KCNN2: variants seen among roughly 807,000 people sequenced by gnomAD.
KCNN2 encodes the protein potassium calcium-activated channel subfamily N member 2.
A neutral mutation model predicts 55.5 loss-of-function variants in KCNN2; 24 were observed. The ratio of observed to expected loss-of-function variants is 0.43; its 90% CI spans 0.31 to 0.61. KCNN2 has a LOEUF of 0.61. Among genes scored for constraint, KCNN2 ranks in the 20% least tolerant of loss-of-function variants. KCNN2 has a pLI of 0.08. For synonymous variants in KCNN2, 431 were observed against 336.1 expected, an observed-to-expected ratio of 1.28 and a Z score of -3.09; for missense variants, 754 against 853.6, an observed-to-expected ratio of 0.88 and a Z score of 1.45.
At chr5:114,194,334 C>A (rs938259603) in intron 1 of KCNN2, among the ~76,000 whole-genome samples, 9 of 152,046 alleles carry the variant, frequency 5.9e-5, no homozygotes, top group Non-Finnish European at 1.3e-4. Flanking sequence ...ATAAAGTTTC[C>A]AATTTCTCCA....
intron 2 of KCNN2, among the ~76,000 whole-genome samples, chr5:114,390,117 C>T (rs1182405256): frequency 6.6e-6 from 1 of 152,128 alleles, no homozygotes; most frequent in Non-Finnish European, 1.5e-5. Flanking sequence ...GATGCTAATA[C>T]ATTTTAGCAA....
At chr5:114,242,882 T>C (rs1754672307) in intron 2 of KCNN2, among the ~76,000 whole-genome samples, 1 of 152,202 alleles carries the variant, frequency 6.6e-6, no homozygotes, top group African/African-American at 2.4e-5. Context: ...GGCCATTCTT[T>C]TGGCAGTAAA....
chr5:114,264,647 A>G (rs6594806), intron 2 of KCNN2, among the ~76,000 whole-genome samples: 15,650 of 152,186 alleles, frequency 0.1, 1,184 homozygotes, highest in African/African-American at 0.21. Flanking sequence ...TAAAGATTTT[A>G]AGAGTTGCCA....
intron 1 of KCNN2, among the ~76,000 whole-genome samples, chr5:114,219,593 G>C (rs1229242565): frequency 6.6e-6 from 1 of 152,058 alleles, no homozygotes; most frequent in Non-Finnish European, 1.5e-5. Context: ...TCTACCAGCT[G>C]AGTCTGGGGT....
intron 1 of KCNN2, among the ~76,000 whole-genome samples, chr5:114,193,099 T>A (rs1753482832): frequency 6.6e-6 from 1 of 152,198 alleles, no homozygotes; most frequent in Non-Finnish European, 1.5e-5. Flanking sequence ...TTGTTGTTTA[T>A]CTGAAATTCA....
chr5:114,282,145 G>T (rs547260742), intron 2 of KCNN2, among the ~76,000 whole-genome samples: 1 of 152,020 alleles, frequency 6.6e-6, no homozygotes, highest in East Asian at 1.9e-4. Context: ...CTATCACTAG[G>T]TTTCATTTTT....
At chr5:114,240,334 A>G (rs1197553987) in intron 2 of KCNN2, among the ~76,000 whole-genome samples, 1 of 151,926 alleles carries the variant, frequency 6.6e-6, no homozygotes, top group Non-Finnish European at 1.5e-5. Context: ...ATAAGAATAG[A>G]TGGAAATTGC....
intron 1 of KCNN2, among the ~76,000 whole-genome samples, chr5:114,059,349 A>T (rs1015831814): frequency 1.3e-5 from 2 of 152,216 alleles, no homozygotes; most frequent in Non-Finnish European, 2.9e-5. Flanking sequence ...GCCAAGTACA[A>T]ATGTCAGATA....
At chr5:114,477,607 T>G (rs1320218521) in intron 5 of KCNN2, among the ~76,000 whole-genome samples, 1 of 152,202 alleles carries the variant, frequency 6.6e-6, no homozygotes, top group Admixed American at 6.5e-5. Context: ...GGACCAGCTA[T>G]TTAATAGATT....
intron 3 of KCNN2, among the ~76,000 whole-genome samples, chr5:114,455,217 G>A (rs910928189): frequency 6.6e-6 from 1 of 152,102 alleles, no homozygotes; most frequent in Non-Finnish European, 1.5e-5. Flanking sequence ...CGAGCTAGGC[G>A]ATCAGCATCA....
chr5:114,221,795 C>T (rs1331015884), intron 2 of KCNN2, among the ~76,000 whole-genome samples: 1 of 152,178 alleles, frequency 6.6e-6, no homozygotes, highest in East Asian at 1.9e-4. Flanking sequence ...AAAAATATTT[C>T]TCCAGTAAAC....
intron 2 of KCNN2, among the ~76,000 whole-genome samples, chr5:114,285,458 G>A (rs1755724742): frequency 6.6e-6 from 1 of 152,032 alleles, no homozygotes; most frequent in Non-Finnish European, 1.5e-5. Context: ...GATAAATGAG[G>A]AAGAATGGCA....
At chr5:114,135,944 T>C (rs1752165700) in intron 1 of KCNN2, among the ~76,000 whole-genome samples, 6 of 152,054 alleles carry the variant, frequency 3.9e-5, no homozygotes. Flanking sequence ...GGTGGAAAGA[T>C]ACTGTCTGAA....
At chr5:114,057,732 G>A (rs1481452533) in intron 1 of KCNN2, among the ~76,000 whole-genome samples, 3 of 152,218 alleles carry the variant, frequency 2.0e-5, no homozygotes, top group African/African-American at 7.2e-5. Flanking sequence ...CTTGGTGGTA[G>A]TGACATTCAG....
chr5:114,244,747 C>T (rs574093678), intron 2 of KCNN2, among the ~76,000 whole-genome samples: 1 of 152,140 alleles, frequency 6.6e-6, no homozygotes, highest in Admixed American at 6.6e-5. Flanking sequence ...TAGCAGCTTC[C>T]TGGCTTGGTG....
At chr5:114,088,913 G>C (rs1045793432) in intron 1 of KCNN2, among the ~76,000 whole-genome samples, 1 of 152,120 alleles carries the variant, frequency 6.6e-6, no homozygotes, top group African/African-American at 2.4e-5. Flanking sequence ...GAGCCACTGC[G>C]CCCAGCCACA....
At chr5:114,160,579 G>T (rs1282138003) in intron 1 of KCNN2, among the ~76,000 whole-genome samples, 1 of 152,122 alleles carries the variant, frequency 6.6e-6, no homozygotes, top group Non-Finnish European at 1.5e-5. Flanking sequence ...CTGTCTCGTT[G>T]ATCTGTCTAA....
At chr5:114,471,771 G>C (rs1761757795) in intron 4 of KCNN2, among the ~76,000 whole-genome samples, 1 of 152,080 alleles carries the variant, frequency 6.6e-6, no homozygotes, top group Non-Finnish European at 1.5e-5. Context: ...TAAGCCCTCT[G>C]GAAATATATT....
chr5:114,268,856 A>T (rs1166903478), intron 2 of KCNN2, among the ~76,000 whole-genome samples: 1 of 152,022 alleles, frequency 6.6e-6, no homozygotes, highest in Non-Finnish European at 1.5e-5. Flanking sequence ...TACCACAAAA[A>T]GAGCTATTTT....
Sources: allele counts gnomAD v4.1 joint callset (sites outside exome capture counted in the v4.1 genomes callset), GRCh38; gene constraint gnomAD v4.1.1; transcripts MANE v1.5; gene names NCBI Gene and HGNC (gene_info 2026-07-23, HGNC 2026-07-21).